The following MED13 variants were observed in gnomAD, a reference collection of about 807,000 sequenced individuals.
MED13 encodes the protein mediator complex subunit 13, also known as mediator of RNA polymerase II transcription subunit 13.
MED13 carries 23 observed loss-of-function variants against 225.2 expected under a neutral mutation model. The observed-to-expected ratio is 0.10, with a 90% confidence interval of 0.07 to 0.14. The LOEUF is 0.14. MED13 is among the 10% of genes least tolerant of loss of function. MED13 has a pLI of 1.00. For missense variants in MED13, 2,197 were observed against 2,594.5 expected (o/e 0.85, Z 3.33); for synonymous variants, 942 against 889.2 (o/e 1.06, Z -1.06).
chr17:62,021,975 T>G (rs572365787), intron 8 of MED13, among the ~76,000 whole-genome samples: 1 of 152,202 alleles, frequency 6.6e-6, no homozygotes, highest in Admixed American at 6.5e-5. Context: ...GAGACCAGCC[T>G]GACCAACATG....
At chr17:62,038,792 T>A (rs531070411) in intron 3 of MED13, among the ~76,000 whole-genome samples, 2 of 152,080 alleles carry the variant, frequency 1.3e-5, no homozygotes, top group South Asian at 4.1e-4. Context: ...CCCTCTTGAG[T>A]AGCTGGGACT....
chr17:61,979,026 T>C (rs1216342288), intron 16 of MED13, among the ~76,000 whole-genome samples: 2 of 152,218 alleles, frequency 1.3e-5, no homozygotes, highest in African/African-American at 2.4e-5. Context: ...TGGTCATTTT[T>C]GGACACATGT....
At chr17:62,006,953 A>G (rs1338061328) in intron 9 of MED13, 1 of 151,382 alleles carries the variant, frequency 6.6e-6, no homozygotes, top group African/African-American at 2.4e-5. Flanking sequence ...AATAATAGTA[A>G]CAATCAAGTC....
intron 2 of MED13, among the ~76,000 whole-genome samples, chr17:62,061,371 G>GA (rs11286991): frequency 1.7e-4 from 25 of 148,452 alleles, no homozygotes; most frequent in African/African-American, 3.4e-4. Flanking sequence ...AAGAAAAAAA[G>GA]AAAAAAAAAA....
At chr17:61,957,274 G>C (rs977901834) in intron 23 of MED13, among the ~76,000 whole-genome samples, 1 of 148,286 alleles carries the variant, frequency 6.7e-6, no homozygotes. Context: ...CTCAACTCCC[G>C]ACCTCAGGTG....
At chr17:62,017,171 G>T (rs1311930326) in intron 8 of MED13, among the ~76,000 whole-genome samples, 1 of 146,050 alleles carries the variant, frequency 6.8e-6, no homozygotes, top group African/African-American at 2.5e-5. Context: ...GCTTACTTTT[G>T]TCCATGTTTG....
chr17:62,002,032 A>G (rs1241010117), intron 9 of MED13, among the ~76,000 whole-genome samples: 3 of 152,210 alleles, frequency 2.0e-5, no homozygotes, highest in Non-Finnish European at 4.4e-5. Flanking sequence ...GAAAAATAAT[A>G]ATAGATATTT....
intron 3 of MED13, among the ~76,000 whole-genome samples, chr17:62,040,825 C>T (rs2080846599): frequency 6.6e-6 from 1 of 152,000 alleles, no homozygotes; most frequent in African/African-American, 2.4e-5. Flanking sequence ...AAACCAAAAA[C>T]ACAGTAAGAT....
chr17:61,982,802 T>C lies in MED13; in HGVS notation c.3201A>G (p.Glu1067=). The change falls in exon 16 of 30, where the codon GAA becomes GAG. Residue 1067 remains glutamate (E), a synonymous_variant. Transcript: ENST00000397786. ...VEPATVPSIP[E]AHSLYVNLIL... is the part of the protein sequence containing the mutation. ...TGAGGTTTACATAAAGACTGTGTGC[T>C]TCAGGGATGGAAGGGACAGTTGCAG... 1 of 1,614,232 alleles carries C rather than the reference T, an allele frequency of 6.2e-7. No homozygotes were observed. The highest frequency in any genetic ancestry group is 2.2e-5 in the East Asian group (1 of 44,894).
intron 1 of MED13, among the ~76,000 whole-genome samples, 166 bp from the exon 2 acceptor site, chr17:62,063,467 G>A (rs973352217): frequency 6.6e-6 from 1 of 152,102 alleles, no homozygotes; most frequent in Non-Finnish European, 1.5e-5. Flanking sequence ...CAACAACCAA[G>A]AATTTTAGGG....
intron 3 of MED13, among the ~76,000 whole-genome samples, chr17:62,043,386 A>T (rs1226744886): frequency 6.6e-6 from 1 of 152,122 alleles, no homozygotes; most frequent in East Asian, 1.9e-4. Flanking sequence ...AGGACAAAAC[A>T]TTATAGACAG....
intron 8 of MED13, 70 bp downstream of exon 8, chr17:62,029,471 G>C: frequency 8.8e-7 from 1 of 1,133,730 alleles, no homozygotes; most frequent in South Asian, 1.4e-5. Context: ...TTCAAATAAA[G>C]TGGGCATAAG....
intron 3 of MED13, among the ~76,000 whole-genome samples, chr17:62,046,161 A>T (rs1296782998): frequency 6.6e-6 from 1 of 152,224 alleles, no homozygotes; most frequent in Non-Finnish European, 1.5e-5. Flanking sequence ...ATTTATAATC[A>T]ATCTTTATCT....
chr17:62,051,958 A>G (rs972397233), intron 3 of MED13, among the ~76,000 whole-genome samples: 16 of 152,360 alleles, frequency 1.1e-4, no homozygotes, highest in Admixed American at 2.0e-4. Context: ...GGTATCTATC[A>G]TAAGTCTTCT....
chr17:62,056,048 A>G (rs61469058), intron 2 of MED13, among the ~76,000 whole-genome samples: 24,492 of 152,090 alleles, frequency 0.16, 2,423 homozygotes, highest in East Asian at 0.5. Context: ...CCTCATCTAT[A>G]TGGCAAGCAA....
chr17:61,951,884 A>C (rs1029498513), intron 27 of MED13, among the ~76,000 whole-genome samples: 1 of 152,020 alleles, frequency 6.6e-6, no homozygotes, highest in Non-Finnish European at 1.5e-5. Context: ...TAATCAAATC[A>C]CCAGTATATA....
chr17:62,026,558 C>G (rs2080704362), intron 8 of MED13, among the ~76,000 whole-genome samples: 1 of 150,774 alleles, frequency 6.6e-6, no homozygotes, highest in East Asian at 1.9e-4. Context: ...CCTCTCACTC[C>G]TATTCAAAAT....
intron 8 of MED13, among the ~76,000 whole-genome samples, chr17:62,028,770 G>A (rs559975718): frequency 6.2e-4 from 94 of 151,738 alleles, no homozygotes; most frequent in Middle Eastern, 7.0e-3. Flanking sequence ...GCGTGAACCC[G>A]GGAGGTGGAG....
chr17:61,962,947 T>A lies in MED13; in HGVS notation c.4869A>T (p.Gly1623=), dbSNP rs747687500. 1.9e-6 allele frequency: 3 copies of A among 1,613,866 alleles called. No homozygotes were observed. The highest frequency in any genetic ancestry group is 2.5e-6 in the Non-Finnish European group (3 of 1,180,006). Residue 1623 remains glycine, a synonymous_variant, in exon 21 of 30, where the codon GGA becomes GGT. Coordinates refer to ENST00000397786, the MANE Select transcript of MED13 (RefSeq NM_005121.3). Reference sequence around the variant, plus strand: ...CATGTGAATCACCATCTGTGGGGATTCCCACTTTATCCCGATCCATCGTGC... The same window carrying A: ...CATGTGAATCACCATCTGTGGGGATACCCACTTTATCCCGATCCATCGTGC... ...SESTMDRDKV[G]IPTDGDSHAV... is the part of the protein sequence containing the mutation.
Sources: allele counts gnomAD v4.1 joint callset (sites outside exome capture counted in the v4.1 genomes callset), GRCh38; gene constraint gnomAD v4.1.1; transcripts MANE v1.5; gene names NCBI Gene and HGNC (gene_info 2026-07-23, HGNC 2026-07-21).